Variants in CCDC91 observed in about 807,000 individuals in gnomAD.
CCDC91 encodes the protein coiled-coil domain-containing protein 91.
CCDC91 carries 48 observed loss-of-function variants against 63.2 expected under a neutral mutation model. The observed-to-expected ratio is 0.76, with a 90% CI of 0.60 to 0.97. CCDC91 has a LOEUF of 0.97. Among genes scored for constraint, CCDC91 ranks in the 50% least tolerant of loss-of-function variants. The pLI, the probability that CCDC91 is intolerant of heterozygous loss-of-function variation, is 0.00. For missense variants in CCDC91, 500 were observed against 494.6 expected (o/e 1.01, Z -0.10); for synonymous variants, 167 against 165.8 (o/e 1.01, Z -0.06).
chr12:28,273,678 G>A (rs1422986947), intron 3 of CCDC91, among the ~76,000 whole-genome samples: 9 of 152,048 alleles, frequency 5.9e-5, no homozygotes. Flanking sequence ...CCCACTTTTT[G>A]ATGGGGTTGT....
intron 8 of CCDC91, among the ~76,000 whole-genome samples, chr12:28,446,757 G>T (rs1355200632): frequency 2.3e-4 from 35 of 152,114 alleles, no homozygotes; most frequent in Non-Finnish European, 7.4e-5. Context: ...GAGCCACCTT[G>T]TGCGGCCTCA....
chr12:28,411,751 T>C (rs984793010), intron 8 of CCDC91, among the ~76,000 whole-genome samples: 12 of 152,168 alleles, frequency 7.9e-5, no homozygotes, highest in Admixed American at 2.0e-4. Flanking sequence ...ATAAATGTCA[T>C]AAATGTCACA....
Position 28,511,958 on chromosome 12 carries a change from G to T in CCDC91, c.1215+27793G>T, listed in dbSNP as rs142310718. 8.6e-5 allele frequency among the ~76,000 whole-genome samples: 13 copies of T among 151,838 alleles called. 1 individual carries two copies. Among genetic ancestry groups the T allele is most frequent in the African/African-American group, 3.1e-4 (13 of 41,490 alleles). On this transcript the variant is annotated intron_variant, in intron 12 of 12. Transcript: ENST00000536442. ...GTTTTCAATGAAGTAAATTAACTCT[G>T]TTCTTTCATTTTATGGAAATGGCTC... is the stretch of plus-strand genomic sequence containing the variant.
chr12:28,191,587 T>C (rs1302044495), intron 1 of CCDC91, among the ~76,000 whole-genome samples: 1 of 152,056 alleles, frequency 6.6e-6, no homozygotes. Context: ...GGTGGAGTTA[T>C]TGGAGTGGGC....
chr12:28,275,874 A>G (rs144721881), intron 3 of CCDC91, among the ~76,000 whole-genome samples: 7 of 152,296 alleles, frequency 4.6e-5, no homozygotes, highest in African/African-American at 1.7e-4. Flanking sequence ...CAAAAACCAC[A>G]TGATTATCTC....
intron 12 of CCDC91, among the ~76,000 whole-genome samples, chr12:28,521,758 A>T (rs970626949): frequency 6.6e-6 from 1 of 152,072 alleles, no homozygotes; most frequent in African/African-American, 2.4e-5. Flanking sequence ...TCAATACCTA[A>T]TTTACTAAGA....
intron 1 of CCDC91, 199 bp from the exon 2 acceptor site, chr12:28,257,003 T>C: frequency 2.1e-6 from 1 of 467,688 alleles, no homozygotes; most frequent in Non-Finnish European, 3.8e-6. Flanking sequence ...GCAAAATACA[T>C]GGTTGCTGAA....
chr12:28,470,014 T>A (rs1366716447), intron 11 of CCDC91, among the ~76,000 whole-genome samples: 1 of 152,064 alleles, frequency 6.6e-6, no homozygotes, highest in Non-Finnish European at 1.5e-5. Context: ...CTCCAAAACA[T>A]TGAACTGGGC....
chr12:28,308,198 A>G (rs946817047), intron 6 of CCDC91, among the ~76,000 whole-genome samples: 1 of 151,996 alleles, frequency 6.6e-6, no homozygotes, highest in Non-Finnish European at 1.5e-5. Context: ...TCTAATTGCT[A>G]AGACTAAAAC....
Position 28,387,959 on chromosome 12 carries a change from C to G in CCDC91, c.655-3345C>G, listed in dbSNP as rs923870942. The stretch of plus-strand genomic sequence containing the variant: ...CCACTTTTAGTTTTTTAAGGAATCT[C>G]CACGCTGTTTTCCATAGTGGTTGTA... On this transcript the variant is annotated intron_variant, in intron 7 of 12. Coordinates refer to ENST00000536442, the MANE Select transcript of CCDC91 (RefSeq NM_018318.5). Among the ~76,000 whole-genome samples the G allele has an allele frequency of 7.9e-5, 12 of 152,250 alleles. No homozygotes were observed. The South Asian group carries it at 1.5e-3, about 18-fold the overall frequency.
At chr12:28,475,140 TAGAG>T (rs910514125) in intron 11 of CCDC91, among the ~76,000 whole-genome samples, 26 of 152,252 alleles carry the variant, frequency 1.7e-4, no homozygotes, top group South Asian at 4.1e-4. Flanking sequence ...TTTAAGGAAT[TAGAG>T]AGTTAAAATT....
chr12:28,412,491 T>A (rs1483800948), intron 8 of CCDC91, among the ~76,000 whole-genome samples: 1 of 152,176 alleles, frequency 6.6e-6, no homozygotes, highest in African/African-American at 2.4e-5. Flanking sequence ...CTCACCATTC[T>A]GTGTCTGGAG....
chr12:28,464,225 A>G (rs748898248), intron 11 of CCDC91, among the ~76,000 whole-genome samples: 3 of 152,222 alleles, frequency 2.0e-5, no homozygotes, highest in African/African-American at 7.2e-5. Context: ...ACCATGGGCT[A>G]AAGTGCTCTG....
At chr12:28,203,873 C>T (rs145415100) in intron 1 of CCDC91, among the ~76,000 whole-genome samples, 2,538 of 152,032 alleles carry the variant, frequency 0.017, 28 homozygotes, top group South Asian at 0.031. Flanking sequence ...ATTGAATTGC[C>T]AAAATGATTA....
At chr12:28,450,476 A>G in intron 10 of CCDC91, 58 bp downstream of exon 10, 1 of 1,126,062 alleles carries the variant, frequency 8.9e-7, no homozygotes. Context: ...AAAATGGAAT[A>G]TATTAATAGT....
Position 28,235,031 on chromosome 12 carries a change from T to TG in CCDC91, c.-14-22170dup, listed in dbSNP as rs1175965676. Among the ~76,000 whole-genome samples the TG allele has an allele frequency of 2.6e-5, 4 of 152,192 alleles. No homozygotes were observed. In the East Asian group the frequency reaches 7.7e-4, roughly 29 times the overall value. On this transcript the variant is annotated intron_variant, in intron 1 of 12. Transcript: ENST00000536442. ...TTTGATTAGGTGTTTTCTGTCTTCA[T>TG]GTGCTCTCTCCACATGGCTAGTTTG...
intron 12 of CCDC91, among the ~76,000 whole-genome samples, chr12:28,528,974 C>G (rs1941513687): frequency 6.6e-6 from 1 of 151,872 alleles, no homozygotes; most frequent in Non-Finnish European, 1.5e-5. Context: ...ATCATATGAT[C>G]CTATTGAAAT....
intron 1 of CCDC91, among the ~76,000 whole-genome samples, chr12:28,234,113 T>G (rs545570769): frequency 6.6e-6 from 1 of 152,276 alleles, no homozygotes; most frequent in South Asian, 2.1e-4. Flanking sequence ...AGCTCCTTTA[T>G]CCATTTAAAT....
chr12:28,522,437 T>C (rs1940793294), intron 12 of CCDC91, among the ~76,000 whole-genome samples: 1 of 152,198 alleles, frequency 6.6e-6, no homozygotes, highest in South Asian at 2.1e-4. Flanking sequence ...TACCATTTTT[T>C]ATTGCGTCTA....
Sources: gnomAD v4.1 joint callset for allele counts (sites outside exome capture counted in the v4.1 genomes callset) on GRCh38, gnomAD v4.1.1 for gene constraint, MANE v1.5 for transcripts, NCBI Gene and HGNC (gene_info 2026-07-23, HGNC 2026-07-21) for gene names.